GRIK4: variants seen among roughly 807,000 people sequenced by gnomAD.
GRIK4 encodes glutamate receptor ionotropic, kainate 4.
In GRIK4, 40 loss-of-function variants were observed where a neutral mutation model predicts 104.9. That is an observed-to-expected ratio of 0.38 (90% CI 0.30 to 0.50). GRIK4 has a LOEUF of 0.50. GRIK4 is among the 20% of genes least tolerant of loss of function. The pLI is 0.93. For missense variants in GRIK4, 1,047 were observed against 1,308.1 expected (o/e 0.80, Z 3.08); for synonymous variants, 485 against 524.9 (o/e 0.92, Z 1.04).
At chr11:120,742,518 TTATTATTA>T (rs1951352525) in intron 3 of GRIK4, among the ~76,000 whole-genome samples, 2 of 64,716 alleles carry the variant, frequency 3.1e-5, no homozygotes, top group Non-Finnish European at 7.0e-5. Flanking sequence ...ATTATTATTA[TTATTATTA>T]TTTTTTTTTG....
At chr11:120,948,853 T>C (rs684913) in intron 14 of GRIK4, among the ~76,000 whole-genome samples, 137,713 of 152,150 alleles carry the variant, frequency 0.91, 62,865 homozygotes, top group East Asian at 1. Context: ...TCACTGAGTT[T>C]CCAAAACAAC....
intron 3 of GRIK4, among the ~76,000 whole-genome samples, chr11:120,745,291 A>G (rs573686659): frequency 6.6e-6 from 1 of 152,310 alleles, no homozygotes; most frequent in South Asian, 2.1e-4. Flanking sequence ...ATGGGTGAAC[A>G]TTCCTCTGGC....
At chr11:120,873,811 A>G in intron 9 of GRIK4, 2 of 383,514 alleles carry the variant, frequency 5.2e-6, no homozygotes, top group South Asian at 1.3e-4. Flanking sequence ...GTGGGGCCCA[A>G]AGGGCCAGCA....
intron 1 of GRIK4, among the ~76,000 whole-genome samples, chr11:120,600,748 A>G (rs1260136307): frequency 6.6e-6 from 1 of 152,252 alleles, no homozygotes; most frequent in Non-Finnish European, 1.5e-5. Flanking sequence ...CAAAGAGGTC[A>G]GTGACCTTCA....
At chr11:120,712,638 A>C (rs1448202083) in intron 3 of GRIK4, among the ~76,000 whole-genome samples, 5 of 152,006 alleles carry the variant, frequency 3.3e-5, no homozygotes, top group African/African-American at 7.3e-5. Context: ...AAAAAAAAAA[A>C]AACTTCTACT....
chr11:120,637,806 C>G (rs145534517), intron 1 of GRIK4, among the ~76,000 whole-genome samples: 1 of 152,228 alleles, frequency 6.6e-6, no homozygotes, highest in Non-Finnish European at 1.5e-5. Context: ...GCCTACAGAA[C>G]CATACCTCTC....
chr11:120,863,439 A>G (rs1421616871), intron 9 of GRIK4, among the ~76,000 whole-genome samples: 5 of 152,256 alleles, frequency 3.3e-5, no homozygotes, highest in Admixed American at 1.3e-4. Context: ...TGTGATGGTC[A>G]CACAATGAAG....
intron 13 of GRIK4, among the ~76,000 whole-genome samples, chr11:120,916,721 A>T (rs535075043): frequency 1.3e-5 from 2 of 152,250 alleles, no homozygotes; most frequent in Non-Finnish European, 2.9e-5. Flanking sequence ...TATTGTATGA[A>T]ATTACCTTCA....
intron 3 of GRIK4, among the ~76,000 whole-genome samples, chr11:120,662,742 G>A (rs1949838020): frequency 6.6e-6 from 1 of 152,064 alleles, no homozygotes. Context: ...TTTTTCTGGG[G>A]TTTTCCCCAA....
Position 120,637,727 on chromosome 11 carries a change from G to A in GRIK4, c.-158-15958G>A, listed in dbSNP as rs140110284. On this transcript the variant is annotated intron_variant, in intron 1 of 20. Coordinates refer to ENST00000527524, the MANE Select transcript of GRIK4 (RefSeq NM_014619.5). Reference sequence around the variant, plus strand: ...ATTTGTCTCTGCCCAGGTTTTTTCCGTAGTGGGGTGTGCCAGGGTGCTTAA... The same window carrying A: ...ATTTGTCTCTGCCCAGGTTTTTTCCATAGTGGGGTGTGCCAGGGTGCTTAA... Among the ~76,000 whole-genome samples, 98 of 152,190 alleles carry A rather than the reference G, an allele frequency of 6.4e-4. 1 individual carries two copies. In the East Asian group the frequency reaches 0.017, roughly 26 times the overall value.
chr11:120,957,717 C>A (rs1320993260), intron 16 of GRIK4, among the ~76,000 whole-genome samples: 1 of 151,628 alleles, frequency 6.6e-6, no homozygotes, highest in Non-Finnish European at 1.5e-5. Context: ...ACAGGACTTA[C>A]GACCTTGGTT....
Position 120,815,416 on chromosome 11 carries a change from G to A in GRIK4, c.286G>A (p.Gly96Arg), listed in dbSNP as rs1355399516. 7.7e-6 allele frequency: 12 copies of A among 1,552,472 alleles called. No homozygotes were observed. Among genetic ancestry groups the A allele is most frequent in the Non-Finnish European group, 7.8e-6 (9 of 1,147,338 alleles). Residue 96 changes from glycine (G) to arginine (R), a missense_variant, in exon 5 of 21, where the codon GGA becomes AGA. Gly to Arg is a moderately radical substitution (Grantham distance 125). Transcript: ENST00000527524. ...ILPKGVVAVL[G>R]PSSSPASSSI... The stretch of plus-strand genomic sequence containing the variant: ...CCCCAAGGGGGTGGTCGCTGTCCTC[G>A]GACCATCGTCCAGCCCAGCCTCCAG...
chr11:120,940,284 G>C lies in GRIK4; in HGVS notation c.1477-63G>C. The C allele has an allele frequency of 1.0e-6, 1 of 980,438 alleles. No individual in the cohort carries two copies. The highest frequency in any genetic ancestry group is 1.4e-5 in the South Asian group (1 of 71,390). 60.7% of individuals were successfully genotyped at this position (980,438 alleles called of 1,614,324 possible). On this transcript the variant is annotated intron_variant, in intron 13 of 20. Transcript: ENST00000527524. This position sits in a 1 kb window ranked among gnomAD's most constrained non-coding sequence, Gnocchi z 4.3. ...CCAATAGCAGTGACGGTTGCTGGTCGCAAGTCTCTGTGCCTCTTCTCCTAT... is the reference window on the plus strand; with the variant it reads ...CCAATAGCAGTGACGGTTGCTGGTCCCAAGTCTCTGTGCCTCTTCTCCTAT...
intron 9 of GRIK4, among the ~76,000 whole-genome samples, chr11:120,862,545 A>G (rs1161076379): frequency 6.6e-6 from 1 of 152,122 alleles, no homozygotes; most frequent in African/African-American, 2.4e-5. Context: ...TTCAAGGGCA[A>G]ACATCGAGGC....
intron 3 of GRIK4, among the ~76,000 whole-genome samples, chr11:120,667,920 T>C (rs1480878894): frequency 1.3e-5 from 2 of 152,182 alleles, no homozygotes; most frequent in Non-Finnish European, 2.9e-5. Flanking sequence ...AGACTCTATC[T>C]ATCTGAGTAT....
chr11:120,728,449 C>T (rs1951070094), intron 3 of GRIK4, among the ~76,000 whole-genome samples: 1 of 152,020 alleles, frequency 6.6e-6, no homozygotes, highest in Admixed American at 6.5e-5. Context: ...AACAAAATAA[C>T]TAGAGAGAGA....
In GRIK4 at chr11:120,986,267, A is replaced by G; in HGVS notation, c.*7A>G. The G allele has an allele frequency of 7.2e-7, 1 of 1,391,472 alleles. No homozygotes were observed. The highest frequency in any genetic ancestry group is 9.4e-7 in the Non-Finnish European group (1 of 1,060,736). The allele number at this position is 1,391,472 out of a possible 1,614,324, so 86.2% of individuals were successfully genotyped here. ...CAGCAGCGAGCCCGAGTAGTCCCGG[A>G]GGCCACAGGACGCGCAGAGGCCGGG... On this transcript the variant is annotated 3_prime_UTR_variant, in exon 21 of 21. Coordinates refer to ENST00000527524, the MANE Select transcript of GRIK4 (RefSeq NM_014619.5).
chr11:120,516,176 G>T (rs1018351584), intron 1 of GRIK4, among the ~76,000 whole-genome samples: 10 of 152,234 alleles, frequency 6.6e-5, no homozygotes, highest in Admixed American at 4.6e-4. Context: ...CTGTTTGGGG[G>T]GTGGGCAGGA....
Position 120,645,246 on chromosome 11 carries a change from G to C in GRIK4, c.-158-8439G>C, listed in dbSNP as rs11217937. ...CCTCTGACCGTGCCTTGGCAGTGCT[G>C]AGAGGTCTCAGCCTGGGCCTCGTTC... is the stretch of plus-strand genomic sequence containing the variant. On this transcript the variant is annotated intron_variant, in intron 1 of 20. Transcript: ENST00000527524. Among the ~76,000 whole-genome samples the C allele has an allele frequency of 6.3e-3, 958 of 152,336 alleles. 7 individuals carry two copies. Among genetic ancestry groups the C allele is most frequent in the African/African-American group, 0.021 (888 of 41,572 alleles).
Sources: allele counts gnomAD v4.1 joint callset (sites outside exome capture counted in the v4.1 genomes callset), GRCh38; gene constraint gnomAD v4.1.1; non-coding constraint Gnocchi (gnomAD v3.1); transcripts MANE v1.5; gene names NCBI Gene and HGNC (gene_info 2026-07-23, HGNC 2026-07-21).